Variants in CACNA1A observed in about 807,000 individuals in gnomAD.
CACNA1A encodes calcium voltage-gated channel subunit alpha1 A, also known as voltage-dependent P/Q-type calcium channel subunit alpha-1A.
In CACNA1A, 57 loss-of-function variants were observed where a neutral mutation model predicts 262.4. The observed-to-expected ratio is 0.22, with a 90% confidence interval of 0.18 to 0.27. The LOEUF (loss-of-function observed/expected upper bound fraction) is 0.27. Ranked by LOEUF, CACNA1A falls within the 10% of genes least tolerant of loss-of-function variation. The probability of loss-of-function intolerance (pLI) is 1.00; values close to 1 mark genes in which losing one functional copy is unlikely to be tolerated. For missense variants in CACNA1A, 2,526 were observed against 3,562.8 expected, an observed-to-expected ratio of 0.71 and a Z score of 7.41; for synonymous variants, 1,431 against 1,419.3, an observed-to-expected ratio of 1.01 and a Z score of -0.18.
At chr19:13,261,905 ACT>A (rs1246398569) in intron 25 of CACNA1A, 3 of 299,194 alleles carry the variant, frequency 1.0e-5, no homozygotes, top group Non-Finnish European at 1.9e-5. Context: ...TTCCTTTCCA[ACT>A]CTCTCAATCC....
intron 1 of CACNA1A, among the ~76,000 whole-genome samples, chr19:13,503,360 A>G (rs1475050073): frequency 6.6e-6 from 1 of 152,054 alleles, no homozygotes; most frequent in Non-Finnish European, 1.5e-5. Context: ...GGGTGTGTTC[A>G]TTTTGTAAAA....
At chr19:13,240,772 A>AGT (rs1209105125) in intron 31 of CACNA1A, among the ~76,000 whole-genome samples, 2 of 148,846 alleles carry the variant, frequency 1.3e-5, no homozygotes, top group Non-Finnish European at 3.0e-5. Context: ...CTGTGTGCAC[A>AGT]GTGTGTGCGC....
chr19:13,288,001 C>T (rs973305114), intron 19 of CACNA1A, among the ~76,000 whole-genome samples: 1 of 152,074 alleles, frequency 6.6e-6, no homozygotes, highest in Non-Finnish European at 1.5e-5. Flanking sequence ...TGGCGTCTCA[C>T]TATGTTGCCC....
At chr19:13,485,823 G>A (rs560800297) in intron 1 of CACNA1A, among the ~76,000 whole-genome samples, 1 of 152,176 alleles carries the variant, frequency 6.6e-6, no homozygotes, top group Non-Finnish European at 1.5e-5. Context: ...TAGTCAAGGT[G>A]AAAATGTACA....
intron 30 of CACNA1A, among the ~76,000 whole-genome samples, chr19:13,248,385 G>A (rs1240124330): frequency 7.0e-6 from 1 of 143,406 alleles, no homozygotes; most frequent in Non-Finnish European, 1.5e-5. Flanking sequence ...AGAACAGGCT[G>A]GGCAACAGAG....
At chr19:13,282,759 G>C (rs1038633833) in intron 22 of CACNA1A, among the ~76,000 whole-genome samples, 6 of 152,130 alleles carry the variant, frequency 3.9e-5, no homozygotes, top group African/African-American at 1.4e-4. Flanking sequence ...CTGGGACACA[G>C]CAAGTGCTCA....
intron 3 of CACNA1A, among the ~76,000 whole-genome samples, chr19:13,388,643 T>C (rs1599347089): frequency 1.3e-5 from 2 of 152,310 alleles, no homozygotes; most frequent in East Asian, 3.9e-4. Flanking sequence ...TCTTTACCTT[T>C]GGTCTGTATG....
intron 34 of CACNA1A, among the ~76,000 whole-genome samples, chr19:13,234,016 C>T (rs1173797722): frequency 6.8e-6 from 1 of 147,230 alleles, no homozygotes; most frequent in Non-Finnish European, 1.5e-5. Context: ...CGCCACTGCA[C>T]TCCAGCCTGG....
intron 37 of CACNA1A, chr19:13,226,072 A>G (rs1274862947): frequency 6.6e-6 from 1 of 152,098 alleles, no homozygotes; most frequent in African/African-American, 2.4e-5. Context: ...GTAGATTGCA[A>G]CAATTTTCCA....
chr19:13,209,138 G>C, intron 45 of CACNA1A, 129 bp from the exon 46 acceptor site: 1 of 1,403,324 alleles, frequency 7.1e-7, no homozygotes, highest in South Asian at 1.3e-5. Flanking sequence ...CAGGTCAGTG[G>C]GTTGGGGGGA....
chr19:13,283,425 T>C (rs776649702), intron 21 of CACNA1A, 29 bp from the exon 22 acceptor site: 7 of 1,613,062 alleles, frequency 4.3e-6, no homozygotes, highest in Admixed American at 1.7e-5. Flanking sequence ...CGTGCAGAGG[T>C]CCACTCAGAC....
chr19:13,435,094 A>AT (rs889888578), intron 3 of CACNA1A, among the ~76,000 whole-genome samples: 58 of 141,506 alleles, frequency 4.1e-4, no homozygotes, highest in East Asian at 1.0e-3. Flanking sequence ...CCAGCCAGGC[A>AT]TTTTTTTTTT....
intron 6 of CACNA1A, among the ~76,000 whole-genome samples, chr19:13,348,661 C>T (rs1033244820): frequency 1.3e-5 from 2 of 152,178 alleles, no homozygotes; most frequent in Admixed American, 1.3e-4. Context: ...CATGGTGAAA[C>T]CCCGTCTTTA....
chr19:13,315,971 T>G (rs2058120577), intron 11 of CACNA1A: 1 of 152,114 alleles, frequency 6.6e-6, no homozygotes, highest in Non-Finnish European at 1.5e-5. Flanking sequence ...TTTACTTTAT[T>G]TTTTGAGACA....
In CACNA1A at chr19:13,257,437, A is replaced by G; in HGVS notation, c.4503T>C (p.Phe1501=). 6.2e-7 allele frequency: 1 copy of G among 1,613,960 alleles called. No individual in the cohort carries two copies. The highest frequency in any genetic ancestry group is 8.5e-7 in the Non-Finnish European group (1 of 1,179,864). ...VVYFVVFPFF[F]VNIFVALIII... is the part of the protein sequence containing the mutation. The stretch of plus-strand genomic sequence containing the variant: ...TGATCAAGGCCACAAAGATATTGAC[A>G]AAGAAGAAGGGGAACACCACAAAGT... Residue 1501 remains phenylalanine (F), a synonymous_variant, in exon 28 of 47, where the codon TTT becomes TTC. Coordinates refer to ENST00000360228, the MANE Select transcript of CACNA1A (RefSeq NM_001127222.2).
At chr19:13,487,542 T>A (rs1041188184) in intron 1 of CACNA1A, among the ~76,000 whole-genome samples, 2 of 152,040 alleles carry the variant, frequency 1.3e-5, no homozygotes, top group Non-Finnish European at 2.9e-5. Context: ...GTCTCCTTTT[T>A]GGGGTCTTTG....
In CACNA1A at chr19:13,245,660, T is replaced by C. The variant is rs903752086; in HGVS notation, c.4867-395A>G. Reference sequence around the variant, plus strand: ...GAAGGGTTATCACCCATTTTCTTTTTCTTTCTTTCTCTTTTTTTTTTTTTT... The same window carrying C: ...GAAGGGTTATCACCCATTTTCTTTTCCTTTCTTTCTCTTTTTTTTTTTTTT... On this transcript the variant is annotated intron_variant, in intron 30 of 46. Coordinates refer to ENST00000360228, the MANE Select transcript of CACNA1A (RefSeq NM_001127222.2). 7.8e-4 allele frequency: 43 copies of C among 55,126 alleles called. No homozygotes were observed. In the Middle Eastern group the frequency reaches 0.079, roughly 101 times the overall value. 3.4% of individuals were successfully genotyped at this position (55,126 alleles called of 1,614,324 possible). A position where few individuals can be genotyped will look rare whatever the true frequency, so the allele number is the denominator to read the frequency against.
rs1004838145 is a variant in CACNA1A at position 13,212,037 on chromosome 19, G to T, written c.6303+66C>A. 6 of 1,170,968 alleles carry T rather than the reference G, an allele frequency of 5.1e-6. No homozygotes were observed. The highest frequency in any genetic ancestry group is 4.7e-5 in the East Asian group (2 of 42,228). 72.5% of individuals were successfully genotyped at this position (1,170,968 alleles called of 1,614,324 possible). A position where few individuals can be genotyped will look rare whatever the true frequency, so the allele number is the denominator to read the frequency against. ...AGGGGATGCACTGGGCTGCTTGTGGGGGGGCCTGGCCCTACCCAGTGCAGA... is the reference window on the plus strand; with the variant it reads ...AGGGGATGCACTGGGCTGCTTGTGGTGGGGCCTGGCCCTACCCAGTGCAGA... On this transcript the variant is annotated intron_variant, in intron 43 of 46. Coordinates refer to ENST00000360228, the MANE Select transcript of CACNA1A (RefSeq NM_001127222.2). The surrounding 1 kb of genome is among the most constrained non-coding windows in gnomAD (Gnocchi z 5.6).
chr19:13,298,463 A>T, intron 19 of CACNA1A, 81 bp downstream of exon 19: 1 of 1,283,044 alleles, frequency 7.8e-7, no homozygotes, highest in Non-Finnish European at 1.1e-6. Context: ...TTTATAAACA[A>T]ATACACAGCA....
Sources: gnomAD v4.1 joint callset for allele counts (sites outside exome capture counted in the v4.1 genomes callset) on GRCh38, gnomAD v4.1.1 for gene constraint, Gnocchi (gnomAD v3.1) non-coding constraint, MANE v1.5 for transcripts, NCBI Gene and HGNC (gene_info 2026-07-23, HGNC 2026-07-21) for gene names.